Variants in SPIRE1 observed in about 807,000 individuals in gnomAD.
SPIRE1 encodes the protein protein spire homolog 1.
Under a neutral mutation model 94.1 loss-of-function variants are expected in SPIRE1, and 40 were observed. The observed-to-expected ratio is 0.43, with a 90% CI of 0.33 to 0.55. SPIRE1 has a LOEUF of 0.55. Among genes scored for constraint, SPIRE1 ranks in the 20% least tolerant of loss-of-function variants. The pLI is 0.06. For synonymous variants in SPIRE1, 376 were observed against 371.7 expected, an observed-to-expected ratio of 1.01 and a Z score of -0.13; for missense variants, 838 against 975.2, an observed-to-expected ratio of 0.86 and a Z score of 1.87.
intron 2 of SPIRE1, among the ~76,000 whole-genome samples, chr18:12,633,298 T>A (rs1242501106): frequency 6.6e-6 from 1 of 152,092 alleles, no homozygotes; most frequent in Non-Finnish European, 1.5e-5. Context: ...CCTTTCAAAG[T>A]TGAATAGAAA....
intron 2 of SPIRE1, among the ~76,000 whole-genome samples, chr18:12,615,533 C>G (rs1322591569): frequency 1.6e-5 from 1 of 61,340 alleles, no homozygotes; most frequent in Non-Finnish European, 4.7e-5. Context: ...GAGAGAGACT[C>G]TATCTCCACA....
intron 2 of SPIRE1, among the ~76,000 whole-genome samples, chr18:12,601,247 C>T (rs1297976631): frequency 6.6e-6 from 1 of 150,556 alleles, no homozygotes; most frequent in Non-Finnish European, 1.5e-5. Flanking sequence ...AACCCCATCT[C>T]TACCAAAAAA....
chr18:12,552,467 A>G (rs553358395), intron 2 of SPIRE1, among the ~76,000 whole-genome samples: 2 of 152,288 alleles, frequency 1.3e-5, no homozygotes, highest in South Asian at 2.1e-4. Context: ...GTAAGACAGA[A>G]TAAGGGAGGA....
rs1354343270 is a variant in SPIRE1, at chr18:12,485,982, A to G, written c.1208T>C (p.Met403Thr). The G allele has an allele frequency of 6.6e-6, 10 of 1,523,416 alleles. No individual in the cohort carries two copies. The East Asian group carries it at 2.0e-4, about 30-fold the overall frequency. The allele number at this position is 1,523,416 out of a possible 1,614,324, so 94.4% of individuals were successfully genotyped here. The change falls in exon 9 of 17, where the codon ATG becomes ACG. Residue 403 changes from methionine to threonine, a missense_variant. Physicochemically the swap from Met to Thr is moderately conservative, Grantham distance 81 (BLOSUM62 -1). Around this residue, in one of 2 missense-constraint regions of SPIRE1, gnomAD observed 645 missense variants for 804.7 expected, o/e 0.80. Coordinates refer to ENST00000409402, the MANE Select transcript of SPIRE1 (RefSeq NM_001128626.2). ...RSRLAMRPLS[M>T]SYSFDLSDVT... is the part of the protein sequence containing the mutation. Reference sequence around the variant, plus strand: ...ACCTGACAAGTCAAAACTGTAAGACATGCTAAGTGGCCGCATTGCTGAAAA... The same window carrying G: ...ACCTGACAAGTCAAAACTGTAAGACGTGCTAAGTGGCCGCATTGCTGAAAA...
upstream of SPIRE1, chr18:12,661,335 C>A (rs1340353272): frequency 1.0e-6 from 1 of 982,558 alleles, no homozygotes; most frequent in Non-Finnish European, 1.2e-6. Context: ...AATTGATAAG[C>A]CTTACCGTCA....
chr18:12,464,224 A>AT (rs1337438301), intron 11 of SPIRE1, among the ~76,000 whole-genome samples: 2 of 151,966 alleles, frequency 1.3e-5, no homozygotes, highest in African/African-American at 4.8e-5. Context: ...ACAGAAATCC[A>AT]TTATGTGATT....
chr18:12,525,048 A>G (rs1483293517), intron 4 of SPIRE1, among the ~76,000 whole-genome samples: 3 of 151,746 alleles, frequency 2.0e-5, no homozygotes, highest in Non-Finnish European at 4.4e-5. Flanking sequence ...AGGCCGAGGC[A>G]GGCAGATCAT....
intron 12 of SPIRE1, among the ~76,000 whole-genome samples, chr18:12,459,245 T>G (rs2031670334): frequency 6.6e-6 from 1 of 152,260 alleles, no homozygotes; most frequent in African/African-American, 2.4e-5. Context: ...CACACCCTGG[T>G]TGTCATAACA....
At chr18:12,590,740 C>A (rs958756171) in intron 2 of SPIRE1, among the ~76,000 whole-genome samples, 6 of 152,072 alleles carry the variant, frequency 3.9e-5, no homozygotes, top group Non-Finnish European at 5.9e-5. Context: ...CACTCTCAAG[C>A]GGGGGCAGGA....
chr18:12,643,917 T>C (rs961868900), intron 1 of SPIRE1, among the ~76,000 whole-genome samples: 3 of 151,686 alleles, frequency 2.0e-5, no homozygotes, highest in South Asian at 2.1e-4. Context: ...AGCTGAGCAC[T>C]GTGACTCACA....
At chr18:12,644,031 C>CAA (rs72419037) in intron 1 of SPIRE1, among the ~76,000 whole-genome samples, 12,274 of 131,992 alleles carry the variant, frequency 0.093, 652 homozygotes, top group Middle Eastern at 0.16. Flanking sequence ...CTGTCTCAAC[C>CAA]AAAAAAAAAA....
At chr18:12,494,349 A>G (rs569081334) in intron 7 of SPIRE1, among the ~76,000 whole-genome samples, 1 of 152,324 alleles carries the variant, frequency 6.6e-6, no homozygotes, top group South Asian at 2.1e-4. Flanking sequence ...CCTCAGAGAT[A>G]CGTGGCTGCT....
At chr18:12,485,055 T>C (rs2032984650) in intron 9 of SPIRE1, among the ~76,000 whole-genome samples, 1 of 151,966 alleles carries the variant, frequency 6.6e-6, no homozygotes, top group Admixed American at 6.6e-5. Context: ...CTGAGGCACA[T>C]AATTATATAT....
chr18:12,484,879 G>A (rs1351652872), intron 9 of SPIRE1, among the ~76,000 whole-genome samples: 2 of 151,936 alleles, frequency 1.3e-5, no homozygotes, highest in African/African-American at 2.4e-5. Context: ...GCAACATGGT[G>A]AAACCCTGTC....
intron 2 of SPIRE1, among the ~76,000 whole-genome samples, chr18:12,604,104 G>A (rs1438690982): frequency 2.0e-5 from 3 of 152,060 alleles, no homozygotes; most frequent in Non-Finnish European, 4.4e-5. Flanking sequence ...TAATAAACCA[G>A]TAAACCTGTT....
At chr18:12,486,500 T>C (rs2033046706) in intron 8 of SPIRE1, among the ~76,000 whole-genome samples, 1 of 152,178 alleles carries the variant, frequency 6.6e-6, no homozygotes, top group Non-Finnish European at 1.5e-5. Flanking sequence ...ATCACCATTA[T>C]GTGTTAATAA....
At chr18:12,626,903 G>A (rs1365095049) in intron 2 of SPIRE1, among the ~76,000 whole-genome samples, 1 of 50,114 alleles carries the variant, frequency 2.0e-5, no homozygotes, top group African/African-American at 6.6e-5. Flanking sequence ...TTTTTTTTTT[G>A]CCCAGAGGAT....
intron 5 of SPIRE1, among the ~76,000 whole-genome samples, chr18:12,509,368 T>C (rs903774946): frequency 6.6e-6 from 1 of 152,230 alleles, no homozygotes; most frequent in Admixed American, 6.5e-5. Context: ...TTTAAGTTTA[T>C]ACTAGCTGTT....
rs988835900 is a variant in SPIRE1, at chr18:12,446,893, T to C, written c.*2745A>G. On this transcript the variant is annotated 3_prime_UTR_variant, in exon 17 of 17. Transcript: ENST00000409402. The stretch of plus-strand genomic sequence containing the variant: ...TTAAGCCTCTTACATAACCACCTTC[T>C]GGTTTCATTTGAAATCCTTAAGAAT... 6.6e-6 allele frequency: 1 copy of C among 152,262 alleles called. No homozygotes were observed. Among genetic ancestry groups the C allele is most frequent in the Admixed American group, 6.5e-5 (1 of 15,288 alleles). The allele number at this position is 152,262 out of a possible 1,614,324, so 9.4% of individuals were successfully genotyped here.
Sources: gnomAD v4.1 joint callset for allele counts (sites outside exome capture counted in the v4.1 genomes callset) on GRCh38, gnomAD v4.1.1 for gene constraint, gnomAD v4.1.1 regional missense constraint, MANE v1.5 for transcripts, NCBI Gene and HGNC (gene_info 2026-07-23, HGNC 2026-07-21) for gene names.